GULP1: variants seen among roughly 807,000 people sequenced by gnomAD.
The protein encoded by GULP1 is PTB domain-containing engulfment adapter protein 1.
GULP1 carries 19 observed loss-of-function variants against 40.9 expected under a neutral mutation model. The observed-to-expected ratio is 0.46, with a 90% confidence interval of 0.32 to 0.68. The LOEUF is 0.68. Ranked by LOEUF, GULP1 falls within the 30% of genes least tolerant of loss-of-function variation. The pLI is 0.03. For synonymous variants in GULP1, 119 were observed against 117.6 expected, an observed-to-expected ratio of 1.01 and a Z score of -0.08; for missense variants, 312 against 362.2, an observed-to-expected ratio of 0.86 and a Z score of 1.12.
At chr2:188,529,410 CTTATG>C (rs762490971) in intron 6 of GULP1, among the ~76,000 whole-genome samples, 36 of 151,892 alleles carry the variant, frequency 2.4e-4, no homozygotes, top group African/African-American at 3.6e-4. Flanking sequence ...ATATTAATAA[CTTATG>C]TTAAGTGCAT....
chr2:188,506,685 A>G (rs2063950990), intron 4 of GULP1, among the ~76,000 whole-genome samples: 1 of 151,988 alleles, frequency 6.6e-6, no homozygotes, highest in Non-Finnish European at 1.5e-5. Flanking sequence ...AATCTCCATA[A>G]TTCCACAGAT....
At chr2:188,294,803 G>A (rs1332119117) in intron 1 of GULP1, among the ~76,000 whole-genome samples, 4 of 152,128 alleles carry the variant, frequency 2.6e-5, no homozygotes, top group Admixed American at 2.0e-4. Context: ...TTAAAGAGAT[G>A]AAATAATGTT....
At chr2:188,560,369 T>C (rs1695923281) in intron 7 of GULP1, among the ~76,000 whole-genome samples, 1 of 152,240 alleles carries the variant, frequency 6.6e-6, no homozygotes, top group African/African-American at 2.4e-5. Context: ...GTTCATCATT[T>C]ATATCTCAGA....
At chr2:188,528,919 T>A (rs1443927750) in intron 5 of GULP1, among the ~76,000 whole-genome samples, 178 bp from the exon 6 acceptor site, 4 of 152,214 alleles carry the variant, frequency 2.6e-5, no homozygotes, top group Non-Finnish European at 5.9e-5. Context: ...TGAATTATAA[T>A]GGCTGATTGC....
intron 5 of GULP1, among the ~76,000 whole-genome samples, chr2:188,524,940 A>T (rs1350098480): frequency 6.6e-6 from 1 of 151,880 alleles, no homozygotes; most frequent in Non-Finnish European, 1.5e-5. Context: ...ATGGCTTCTG[A>T]TATTAAAAAA....
chr2:188,524,244 A>T (rs1426537783), intron 5 of GULP1, among the ~76,000 whole-genome samples: 2 of 152,216 alleles, frequency 1.3e-5, no homozygotes, highest in Non-Finnish European at 2.9e-5. Context: ...TAATGAATAG[A>T]TCAAATGTAA....
chr2:188,548,672 C>T (rs1692606881), intron 7 of GULP1, among the ~76,000 whole-genome samples: 1 of 151,924 alleles, frequency 6.6e-6, no homozygotes, highest in African/African-American at 2.4e-5. Flanking sequence ...TACCCTGTTT[C>T]AAGACTTATT....
At chr2:188,387,569 T>C (rs1171573031) in intron 2 of GULP1, among the ~76,000 whole-genome samples, 1 of 152,182 alleles carries the variant, frequency 6.6e-6, no homozygotes, top group Non-Finnish European at 1.5e-5. Flanking sequence ...CACTTTCAGC[T>C]TGGGAATTGA....
At chr2:188,462,603 T>C (rs755815212) in intron 2 of GULP1, among the ~76,000 whole-genome samples, 2 of 152,172 alleles carry the variant, frequency 1.3e-5, no homozygotes, top group Non-Finnish European at 2.9e-5. Flanking sequence ...GCTCCAGTGT[T>C]GGGTGCATAT....
intron 9 of GULP1, 38 bp from the exon 10 acceptor site, chr2:188,584,227 T>C: frequency 7.2e-7 from 1 of 1,390,134 alleles, no homozygotes; most frequent in Non-Finnish European, 1.0e-6. Context: ...AATGTGTCTA[T>C]ATGAAATATT....
chr2:188,368,213 G>A (rs2047060597), intron 1 of GULP1, among the ~76,000 whole-genome samples: 1 of 152,104 alleles, frequency 6.6e-6, no homozygotes, highest in Admixed American at 6.6e-5. Flanking sequence ...GGATTTTTTG[G>A]TGTTGAGGGA....
chr2:188,515,353 C>T (rs1463297146), intron 4 of GULP1, among the ~76,000 whole-genome samples: 1 of 152,104 alleles, frequency 6.6e-6, no homozygotes, highest in Non-Finnish European at 1.5e-5. Context: ...AGGATGCTGG[C>T]GCTCTTTTCA....
chr2:188,297,538 C>CTTTGT (rs1237637456), intron 1 of GULP1: 2 of 464,036 alleles, frequency 4.3e-6, no homozygotes, highest in South Asian at 1.6e-5. Context: ...TAAACTTTGC[C>CTTTGT]AGAGCTACAA....
intron 1 of GULP1, among the ~76,000 whole-genome samples, chr2:188,335,479 G>A (rs1041041048): frequency 2.0e-5 from 3 of 151,980 alleles, no homozygotes; most frequent in African/African-American, 4.8e-5. Context: ...GCTCAGAATC[G>A]CTTCTAAAAA....
intron 2 of GULP1, among the ~76,000 whole-genome samples, chr2:188,457,175 ATT>A (rs1289684768): frequency 1.3e-5 from 2 of 152,296 alleles, no homozygotes; most frequent in Non-Finnish European, 2.9e-5. Context: ...TAATGCTGAA[ATT>A]AGTTAAGACT....
chr2:188,517,776 A>G (rs2065334170), intron 4 of GULP1, among the ~76,000 whole-genome samples: 1 of 151,976 alleles, frequency 6.6e-6, no homozygotes, highest in South Asian at 2.1e-4. Context: ...ATTAGCAGCT[A>G]GTATCCTGGG....
chr2:188,296,486 G>A (rs1242168999), intron 1 of GULP1, among the ~76,000 whole-genome samples: 1 of 151,982 alleles, frequency 6.6e-6, no homozygotes, highest in Non-Finnish European at 1.5e-5. Flanking sequence ...AATATTGTGT[G>A]GGATAGTAAG....
chr2:188,469,799 A>G (rs891792144), intron 2 of GULP1, among the ~76,000 whole-genome samples: 10 of 152,296 alleles, frequency 6.6e-5, no homozygotes, highest in African/African-American at 1.4e-4. Flanking sequence ...TTTAGCATCT[A>G]TTGAAATGAT....
At chr2:188,312,207 C>A (rs994260635) in intron 1 of GULP1, among the ~76,000 whole-genome samples, 105 of 151,322 alleles carry the variant, frequency 6.9e-4, no homozygotes, top group African/African-American at 2.5e-3. Context: ...TAAAAAAAAA[C>A]CCAGATATAT....
Sources: allele counts gnomAD v4.1 joint callset (sites outside exome capture counted in the v4.1 genomes callset), GRCh38; gene constraint gnomAD v4.1.1; transcripts MANE v1.5; gene names NCBI Gene and HGNC (gene_info 2026-07-23, HGNC 2026-07-21).